PHF24: variants seen among roughly 807,000 people sequenced by gnomAD.
PHF24 encodes PHD finger protein 24.
In PHF24, 25 loss-of-function variants were observed where a neutral mutation model predicts 42.6. That is an observed-to-expected ratio of 0.59 (90% CI 0.43 to 0.82). PHF24 has a LOEUF of 0.82. Ranked by LOEUF, PHF24 falls within the 40% of genes least tolerant of loss-of-function variation. The pLI is 0.00. For synonymous variants in PHF24, 185 were observed against 204.8 expected (o/e 0.90, Z 0.83); for missense variants, 470 against 538.1 (o/e 0.87, Z 1.25).
chr9:34,896,402 C>G, the PHF24 span, among the ~76,000 whole-genome samples: 31 of 152,200 alleles, frequency 2.0e-4, no homozygotes, highest in Admixed American at 1.8e-3. Flanking sequence ...TTCTCCCAAT[C>G]TGCGTGGTCC....
At chr9:34,837,577 C>G in the PHF24 span, 2 of 1,156,628 alleles carry the variant, frequency 1.7e-6, no homozygotes, top group Middle Eastern at 2.8e-4. Flanking sequence ...GCTCTTGGCT[C>G]CAGGGGTCAT....
At chr9:34,894,988 G>C in the PHF24 span, 1 of 398,302 alleles carries the variant, frequency 2.5e-6, no homozygotes, top group Non-Finnish European at 4.4e-6. Context: ...CAGGATCCGT[G>C]GGAACCTCAC....
At chr9:34,812,433 A>G in the PHF24 span, among the ~76,000 whole-genome samples, 1 of 152,358 alleles carries the variant, frequency 6.6e-6, no homozygotes, top group Admixed American at 6.5e-5. Context: ...CAATTCTGCT[A>G]TATACTGATG....
chr9:34,922,217 G>A, the PHF24 span: 1 of 1,591,400 alleles, frequency 6.3e-7, no homozygotes, highest in East Asian at 2.2e-5. Context: ...CTTCAGCTTT[G>A]TCTCCTCGGG....
the PHF24 span, among the ~76,000 whole-genome samples, chr9:34,933,322 TAATA>T: frequency 6.6e-6 from 1 of 152,252 alleles, no homozygotes; most frequent in African/African-American, 2.4e-5. Context: ...TAATAATGGC[TAATA>T]TTTATTAAGC....
At chr9:34,837,139 AAGACAGTGTT>A in the PHF24 span, 1 of 471,302 alleles carries the variant, frequency 2.1e-6, no homozygotes, top group African/African-American at 2.0e-5. Context: ...GAGGAACCAG[AAGACAGTGTT>A]ATAGTAGACA....
the PHF24 span, among the ~76,000 whole-genome samples, chr9:34,736,241 A>G: frequency 6.6e-6 from 1 of 152,196 alleles, no homozygotes; most frequent in East Asian, 1.9e-4. Flanking sequence ...ACATCCCAGG[A>G]GAAAAGAAAG....
chr9:34,931,688 AG>A, the PHF24 span, among the ~76,000 whole-genome samples: 1 of 152,142 alleles, frequency 6.6e-6, no homozygotes, highest in Non-Finnish European at 1.5e-5. Context: ...CATTACTAAA[AG>A]CTCCCTGAGG....
chr9:34,851,253 C>G, the PHF24 span, among the ~76,000 whole-genome samples: 2 of 152,210 alleles, frequency 1.3e-5, no homozygotes, highest in East Asian at 3.9e-4. Context: ...GTGGGCTCCA[C>G]CCAGTTCAAG....
chr9:34,915,685 A>G, the PHF24 span, among the ~76,000 whole-genome samples: 1 of 152,218 alleles, frequency 6.6e-6, no homozygotes, highest in African/African-American at 2.4e-5. Context: ...CGTCTGGGAT[A>G]TAATGACTAG....
the PHF24 span, among the ~76,000 whole-genome samples, chr9:34,829,193 T>C: frequency 1.3e-5 from 2 of 152,170 alleles, no homozygotes; most frequent in African/African-American, 2.4e-5. Flanking sequence ...AATGACACTA[T>C]TGTTTTTGCC....
the PHF24 span, among the ~76,000 whole-genome samples, chr9:34,722,702 C>A: frequency 6.6e-6 from 1 of 152,176 alleles, no homozygotes; most frequent in Non-Finnish European, 1.5e-5. Flanking sequence ...TGTGGCACTA[C>A]CACACACCTC....
At chr9:34,956,413 C>G (rs981421851), upstream of PHF24, among the ~76,000 whole-genome samples, 1 of 152,190 alleles carries the variant, frequency 6.6e-6, no homozygotes, top group African/African-American at 2.4e-5. Context: ...GCGCGTGCCA[C>G]TGCACCTGGC....
At chr9:34,937,654 A>AAAAAATG in the PHF24 span, among the ~76,000 whole-genome samples, 1 of 151,832 alleles carries the variant, frequency 6.6e-6, no homozygotes, top group East Asian at 1.9e-4. Context: ...ATTTAAAAAA[A>AAAAAATG]AAAATGAAAA....
the PHF24 span, among the ~76,000 whole-genome samples, chr9:34,809,266 A>C: frequency 0.018 from 2,694 of 152,244 alleles, 35 homozygotes; most frequent in Non-Finnish European, 0.025. This position sits in a 1 kb window ranked among gnomAD's most constrained non-coding sequence, Gnocchi z 4.1. Flanking sequence ...AAATAAAATA[A>C]TTTAAATAAG....
the PHF24 span, among the ~76,000 whole-genome samples, chr9:34,781,540 C>A: frequency 6.6e-6 from 1 of 152,068 alleles, no homozygotes; most frequent in South Asian, 2.1e-4. Flanking sequence ...GGTTGTACAA[C>A]ATTGTGAATG....
chr9:34,929,941 A>G, the PHF24 span, among the ~76,000 whole-genome samples: 1 of 152,200 alleles, frequency 6.6e-6, no homozygotes, highest in Non-Finnish European at 1.5e-5. Context: ...CGAGATCTGG[A>G]TACCCAGCCC....
chr9:34,767,670 G>GCCTCGCCCTGCTT, the PHF24 span, among the ~76,000 whole-genome samples: 2 of 152,246 alleles, frequency 1.3e-5, no homozygotes, highest in East Asian at 3.9e-4. Flanking sequence ...GTGAGGCAAT[G>GCCTCGCCCTGCTT]CCTCGCCCTG....
chr9:34,821,675 C>T, the PHF24 span, among the ~76,000 whole-genome samples: 1 of 152,172 alleles, frequency 6.6e-6, no homozygotes. Flanking sequence ...TTGATCTCTG[C>T]AGGACACTCA....
Sources: allele counts gnomAD v4.1 joint callset (sites outside exome capture counted in the v4.1 genomes callset), GRCh38; gene constraint gnomAD v4.1.1; non-coding constraint Gnocchi (gnomAD v3.1); transcripts MANE v1.5; gene names NCBI Gene and HGNC (gene_info 2026-07-23, HGNC 2026-07-21).